The following HS6ST3 variants were observed in gnomAD, a reference collection of about 807,000 sequenced individuals.
HS6ST3 encodes heparan sulfate 6-O-sulfotransferase 3.
Under a neutral mutation model 36.7 loss-of-function variants are expected in HS6ST3, and 12 were observed. That is an observed-to-expected ratio of 0.33 (90% CI 0.21 to 0.53). The LOEUF is 0.53. Among genes scored for constraint, HS6ST3 ranks in the 20% least tolerant of loss-of-function variants. The pLI, the probability that HS6ST3 is intolerant of heterozygous loss-of-function variation, is 0.95. For missense variants in HS6ST3, 584 were observed against 640.9 expected, an observed-to-expected ratio of 0.91 and a Z score of 0.96; for synonymous variants, 240 against 257.5, an observed-to-expected ratio of 0.93 and a Z score of 0.65.
intron 1 of HS6ST3, among the ~76,000 whole-genome samples, chr13:96,821,331 C>T (rs1174448861): frequency 2.6e-5 from 4 of 152,186 alleles, no homozygotes; most frequent in Admixed American, 1.3e-4. Flanking sequence ...CTGTGATGTT[C>T]ATTTTGCATC....
At chr13:96,272,574 G>C (rs1051632757) in intron 1 of HS6ST3, among the ~76,000 whole-genome samples, 1 of 151,920 alleles carries the variant, frequency 6.6e-6, no homozygotes, top group Non-Finnish European at 1.5e-5. Flanking sequence ...AATTCTGGGT[G>C]GGGGAGAAAG....
chr13:96,605,909 G>T (rs61967737), intron 1 of HS6ST3, among the ~76,000 whole-genome samples: 1 of 151,506 alleles, frequency 6.6e-6, no homozygotes, highest in Non-Finnish European at 1.5e-5. Context: ...TAAAAAATGG[G>T]CAAAGGACAG....
chr13:96,600,961 G>C (rs759790779), intron 1 of HS6ST3, among the ~76,000 whole-genome samples: 1 of 151,924 alleles, frequency 6.6e-6, no homozygotes, highest in Non-Finnish European at 1.5e-5. Flanking sequence ...TTGGCTGGCG[G>C]TTATTCTTTT....
At chr13:96,464,059 T>C (rs2055798987) in intron 1 of HS6ST3, among the ~76,000 whole-genome samples, 1 of 131,184 alleles carries the variant, frequency 7.6e-6, no homozygotes. Context: ...AACACAGAAA[T>C]TGACCCTTCT....
intron 1 of HS6ST3, among the ~76,000 whole-genome samples, chr13:96,435,885 T>C (rs2055639266): frequency 2.0e-5 from 3 of 152,224 alleles, no homozygotes; most frequent in Non-Finnish European, 2.9e-5. Flanking sequence ...ATGAAATCTG[T>C]CTTTAATGAT....
chr13:96,260,620 C>CTTTTCTTTTCTTTCTTT (rs367908560), intron 1 of HS6ST3, among the ~76,000 whole-genome samples: 2,036 of 149,582 alleles, frequency 0.014, 58 homozygotes, highest in African/African-American at 0.048. Flanking sequence ...GCCCGGCCCT[C>CTTTTCTTTTCTTTCTTT]TTTTCTTTTC....
At chr13:96,163,073 A>C (rs568184457) in intron 1 of HS6ST3, among the ~76,000 whole-genome samples, 1 of 152,240 alleles carries the variant, frequency 6.6e-6, no homozygotes, top group Admixed American at 6.5e-5. Context: ...ATAGCTGCGA[A>C]TTCTTAAGAA....
At chr13:96,184,832 A>G (rs752117187) in intron 1 of HS6ST3, among the ~76,000 whole-genome samples, 11 of 151,840 alleles carry the variant, frequency 7.2e-5, no homozygotes, top group Non-Finnish European at 1.6e-4. Context: ...TTGATTGATT[A>G]TTGATTTTCT....
At chr13:96,468,300 A>G (rs2055824090) in intron 1 of HS6ST3, among the ~76,000 whole-genome samples, 1 of 152,184 alleles carries the variant, frequency 6.6e-6, no homozygotes, top group South Asian at 2.1e-4. Context: ...TTTTTTCCTC[A>G]TAACTTATAA....
intron 1 of HS6ST3, among the ~76,000 whole-genome samples, chr13:96,160,639 A>C (rs1161795507): frequency 6.6e-6 from 1 of 152,198 alleles, no homozygotes; most frequent in African/African-American, 2.4e-5. Context: ...TGGGTTACCT[A>C]TTAGAAAATG....
In HS6ST3 at chr13:96,358,869, A is replaced by AATCTATCTATCT. The variant is rs58185989; in HGVS notation, c.707+267338_707+267349dup. On this transcript the variant is annotated intron_variant, in intron 1 of 1. Transcript: ENST00000376705. ...TGATTAAGAAAGGAAGTATATATAT[A>AATCTATCTATCT]ATCTATCTATCTATCTATCTATCTA... Among the ~76,000 whole-genome samples the AATCTATCTATCT allele has an allele frequency of 1.5e-3, 226 of 147,626 alleles. 1 individual carries two copies. The highest frequency in any genetic ancestry group is 1.8e-3 in the Non-Finnish European group (123 of 66,988).
At chr13:96,293,569 A>G (rs1447234035) in intron 1 of HS6ST3, among the ~76,000 whole-genome samples, 1 of 152,086 alleles carries the variant, frequency 6.6e-6, no homozygotes, top group Non-Finnish European at 1.5e-5. Flanking sequence ...CTCCCCCCTC[A>G]TGTTTGCCAA....
intron 1 of HS6ST3, among the ~76,000 whole-genome samples, chr13:96,373,059 G>C (rs1341380401): frequency 6.6e-6 from 1 of 152,074 alleles, no homozygotes; most frequent in Admixed American, 6.6e-5. Context: ...GTCTTCCTTG[G>C]CTTGTGGCTG....
chr13:96,536,993 T>C (rs1012094745), intron 1 of HS6ST3, among the ~76,000 whole-genome samples: 1 of 152,202 alleles, frequency 6.6e-6, no homozygotes, highest in Non-Finnish European at 1.5e-5. Flanking sequence ...GTAAGAATCC[T>C]CTGCGAAGCC....
intron 1 of HS6ST3, among the ~76,000 whole-genome samples, chr13:96,373,796 C>T (rs970263053): frequency 6.6e-6 from 1 of 152,058 alleles, no homozygotes; most frequent in Admixed American, 6.6e-5. Flanking sequence ...CAATGTAATC[C>T]CAGGGGTATA....
At chr13:96,673,112 G>A (rs2056687755) in intron 1 of HS6ST3, among the ~76,000 whole-genome samples, 1 of 152,084 alleles carries the variant, frequency 6.6e-6, no homozygotes. Context: ...CTACGCTGGT[G>A]GCCATATCAC....
intron 1 of HS6ST3, among the ~76,000 whole-genome samples, chr13:96,371,725 G>T (rs778510749): frequency 6.6e-6 from 1 of 151,958 alleles, no homozygotes; most frequent in Non-Finnish European, 1.5e-5. Context: ...TTTGTTTTTT[G>T]TGTCTGACTT....
At chr13:96,346,381 T>G (rs190734386) in intron 1 of HS6ST3, among the ~76,000 whole-genome samples, 5 of 152,096 alleles carry the variant, frequency 3.3e-5, no homozygotes, top group Admixed American at 2.6e-4. Context: ...AAGACCATCC[T>G]GGCTAAAACG....
At chr13:96,299,928 C>G (rs892672604) in intron 1 of HS6ST3, among the ~76,000 whole-genome samples, 1 of 151,826 alleles carries the variant, frequency 6.6e-6, no homozygotes, top group African/African-American at 2.4e-5. Context: ...GCTCCACAGA[C>G]TACAGGAGGC....
Sources: gnomAD v4.1 joint callset for allele counts (sites outside exome capture counted in the v4.1 genomes callset) on GRCh38, gnomAD v4.1.1 for gene constraint, MANE v1.5 for transcripts, NCBI Gene and HGNC (gene_info 2026-07-23, HGNC 2026-07-21) for gene names.